KIAA1217: variants seen among roughly 807,000 people sequenced by gnomAD.
KIAA1217 encodes sickle tail protein homolog.
In KIAA1217, 88 loss-of-function variants were observed where a neutral mutation model predicts 163.9. The ratio of observed to expected loss-of-function variants is 0.54; its 90% confidence interval spans 0.45 to 0.64. The LOEUF (loss-of-function observed/expected upper bound fraction) is 0.64. KIAA1217 is among the 30% of genes least tolerant of loss of function. The pLI, the probability that KIAA1217 is intolerant of heterozygous loss-of-function variation, is 0.00. For synonymous variants in KIAA1217, 903 were observed against 923.1 expected (o/e 0.98, Z 0.39); for missense variants, 2,372 against 2,475.0 (o/e 0.96, Z 0.88).
chr10:24,491,854 C>CATA (rs1159833219), intron 6 of KIAA1217, among the ~76,000 whole-genome samples: 1 of 152,154 alleles, frequency 6.6e-6, no homozygotes, highest in Non-Finnish European at 1.5e-5. Context: ...GCCTTCCTAT[C>CATA]CCACACTCCA....
intron 1 of KIAA1217, among the ~76,000 whole-genome samples, chr10:23,965,291 C>T (rs993113960): frequency 5.9e-5 from 9 of 152,238 alleles, no homozygotes; most frequent in Non-Finnish European, 1.2e-4. Context: ...GAAAGCGTGA[C>T]CTGCAGATCC....
At chr10:24,147,853 A>AAAAAAAAAAAAAAG (rs2064402603) in intron 2 of KIAA1217, among the ~76,000 whole-genome samples, 1 of 149,884 alleles carries the variant, frequency 6.7e-6, no homozygotes, top group South Asian at 2.1e-4. Context: ...AAAAAAAAAA[A>AAAAAAAAAAAAAAG]AAAAAAAAAG....
chr10:23,893,801 G>C (rs1192332170), intron 1 of KIAA1217, among the ~76,000 whole-genome samples: 1 of 151,978 alleles, frequency 6.6e-6, no homozygotes, highest in East Asian at 1.9e-4. Context: ...ATGATCAAGT[G>C]GGCTTCATCC....
intron 1 of KIAA1217, among the ~76,000 whole-genome samples, chr10:23,738,026 G>GAT (rs138227094): frequency 0.025 from 3,785 of 151,708 alleles, 169 homozygotes; most frequent in African/African-American, 0.085. Flanking sequence ...ATAGCACGTA[G>GAT]ATATATATAT....
rs564965537 is a variant in KIAA1217, at chr10:23,894,639, A to G, written c.-320-112586A>G. 2.7e-5 allele frequency among the ~76,000 whole-genome samples: 4 copies of G among 150,384 alleles called. No homozygotes were observed. In the East Asian group the frequency reaches 7.8e-4, roughly 29 times the overall value. On this transcript the variant is annotated intron_variant, in intron 1 of 18. Coordinates refer to the KIAA1217 transcript ENST00000376462. ...TTTCTTCACAGAATTGGAAAAATCT[A>G]CTTTAAAGTTCATATGGAACCAAAA...
chr10:24,456,547 G>A (rs1186433559), intron 5 of KIAA1217, among the ~76,000 whole-genome samples: 1 of 152,028 alleles, frequency 6.6e-6, no homozygotes, highest in Non-Finnish European at 1.5e-5. Flanking sequence ...TCAGTGTCAG[G>A]ACTACAGTCA....
Position 24,230,507 on chromosome 10 carries a change from T to TTG in KIAA1217, c.354+10599_354+10600insGT, listed in dbSNP as rs1454911506. Among the ~76,000 whole-genome samples the TTG allele has an allele frequency of 6.7e-5, 9 of 134,970 alleles. 1 individual carries two copies. Among genetic ancestry groups the TTG allele is most frequent in the South Asian group, 5.0e-4 (2 of 3,974 alleles). 88.5% of individuals were successfully genotyped at this position (134,970 alleles called of 152,430 possible). ...TAGGCACTACTATTTGTTTTGTTTT[T>TTG]TTTTTTTTTTTTTTTTGAGACAGAG... On this transcript the variant is annotated intron_variant, in intron 2 of 20. Coordinates refer to ENST00000376454, the MANE Select transcript of KIAA1217 (RefSeq NM_019590.5).
rs78380096 is a variant in KIAA1217 at position 24,472,521 on chromosome 10, T to C, written c.847-707T>C. On this transcript the variant is annotated intron_variant, in intron 5 of 20. Transcript: ENST00000376454. ...AGAAAAACGTGCTCAGGACAAGTTT[T>C]AGAAGACTCAGCGTGAGCACTATTG... is the stretch of plus-strand genomic sequence containing the variant. Among the ~76,000 whole-genome samples, 120 of 152,342 alleles carry C rather than the reference T, an allele frequency of 7.9e-4. 2 individuals carry two copies. In the East Asian group the frequency reaches 0.023, roughly 29 times the overall value.
chr10:23,814,127 T>C lies in KIAA1217; in HGVS notation c.-321+118893T>C, dbSNP rs537907913. ...TAAAAGGAGCCCCCAAAAAATTATC[T>C]CTGAGAGAGATGGCTTCTGAGCTGG... On this transcript the variant is annotated intron_variant, in intron 1 of 18. Coordinates refer to the KIAA1217 transcript ENST00000376462. Among the ~76,000 whole-genome samples the C allele has an allele frequency of 2.6e-5, 4 of 152,236 alleles. No homozygotes were observed. In the South Asian group the frequency reaches 8.3e-4, roughly 32 times the overall value.
chr10:23,804,309 G>A (rs1350936343), intron 1 of KIAA1217, among the ~76,000 whole-genome samples: 1 of 152,190 alleles, frequency 6.6e-6, no homozygotes, highest in Non-Finnish European at 1.5e-5. Context: ...GCCAAGCCGT[G>A]AGTACATCTG....
At chr10:23,725,431 T>C (rs7919715) in intron 1 of KIAA1217, among the ~76,000 whole-genome samples, 49,532 of 152,158 alleles carry the variant, frequency 0.33, 10,035 homozygotes, top group African/African-American at 0.57. Flanking sequence ...CCATGACCTA[T>C]GTCTTGAATT....
At chr10:23,867,596 G>A (rs1177530395) in intron 1 of KIAA1217, among the ~76,000 whole-genome samples, 2 of 152,272 alleles carry the variant, frequency 1.3e-5, no homozygotes, top group East Asian at 1.9e-4. Flanking sequence ...TTTCTGTGAT[G>A]GCCAGTGATG....
intron 5 of KIAA1217, among the ~76,000 whole-genome samples, chr10:24,465,423 G>A (rs369552277): frequency 1.4e-4 from 21 of 152,274 alleles, no homozygotes; most frequent in Middle Eastern, 3.4e-3. Context: ...CTTGAAAGAC[G>A]TCATGGAATT....
At position 24,492,065 on chromosome 10, in the gene KIAA1217, G is replaced by A. The variant is rs562424122; in HGVS notation, c.1680-2435G>A. Among the ~76,000 whole-genome samples, 7 of 152,256 alleles carry A rather than the reference G, an allele frequency of 4.6e-5. 1 individual carries two copies. In the South Asian group the frequency reaches 8.3e-4, roughly 18 times the overall value. ...ATTCATTTTACTCCAGCACCACTGC[G>A]GATAGAGTCCCTGTGGGACGAATGA... On this transcript the variant is annotated intron_variant, in intron 6 of 20. Coordinates refer to ENST00000376454, the MANE Select transcript of KIAA1217 (RefSeq NM_019590.5).
chr10:24,285,951 A>G (rs186224395), intron 2 of KIAA1217, among the ~76,000 whole-genome samples: 111 of 151,988 alleles, frequency 7.3e-4, no homozygotes, highest in Admixed American at 2.0e-3. Context: ...TGGGTATTTT[A>G]TTATCGTGTG....
rs752017133 is a variant in KIAA1217 at position 24,524,723 on chromosome 10, A to C, written c.2857A>C (p.Ile953Leu). 27 of 1,610,126 alleles carry C rather than the reference A, an allele frequency of 1.7e-5. No homozygotes were observed. Among genetic ancestry groups the C allele is most frequent in the Non-Finnish European group, 2.1e-5 (25 of 1,177,036 alleles). The stretch of plus-strand genomic sequence containing the variant: ...CATGCAGAGCTTGTTCATTGAAGAA[A>C]TCCACAGTGTGAGTGCCAAGAACAG... ...SAMQSLFIEE[I>L]HSVSAKNRAV... The change falls in exon 13 of 21, where the codon ATC (isoleucine) becomes CTC (leucine). Residue 953 changes from isoleucine to leucine, a missense_variant. Ile to Leu is a conservative substitution (Grantham distance 5, BLOSUM62 2). Coordinates refer to ENST00000376454, the MANE Select transcript of KIAA1217 (RefSeq NM_019590.5).
chr10:24,149,152 A>C (rs945967359), intron 2 of KIAA1217, among the ~76,000 whole-genome samples: 19 of 152,052 alleles, frequency 1.2e-4, no homozygotes, highest in Non-Finnish European at 2.8e-4. Context: ...TATAAACAAC[A>C]ATTTTTTTCC....
intron 2 of KIAA1217, among the ~76,000 whole-genome samples, chr10:24,285,328 C>T (rs1374251859): frequency 2.0e-5 from 3 of 152,070 alleles, no homozygotes; most frequent in Non-Finnish European, 4.4e-5. Flanking sequence ...GGTATTCCCT[C>T]GGTTTTCTTC....
intron 1 of KIAA1217, among the ~76,000 whole-genome samples, chr10:23,932,879 A>G (rs2131315136): frequency 6.6e-6 from 1 of 152,340 alleles, no homozygotes; most frequent in Middle Eastern, 3.4e-3. Flanking sequence ...AAATAAGAAT[A>G]AAGGTGCTTA....
Sources: allele counts gnomAD v4.1 joint callset (sites outside exome capture counted in the v4.1 genomes callset), GRCh38; gene constraint gnomAD v4.1.1; transcripts MANE v1.5; gene names NCBI Gene and HGNC (gene_info 2026-07-23, HGNC 2026-07-21).